The following DENND1A variants were observed in gnomAD, a reference collection of about 807,000 sequenced individuals.
DENND1A encodes the protein DENN domain containing 1A.
DENND1A carries 51 observed loss-of-function variants against 113.7 expected under a neutral mutation model. The ratio of observed to expected loss-of-function variants is 0.45; its 90% CI spans 0.36 to 0.57. DENND1A has a LOEUF of 0.57. Among genes scored for constraint, DENND1A ranks in the 20% least tolerant of loss-of-function variants. DENND1A has a pLI of 0.00. For missense variants in DENND1A, 1,258 were observed against 1,395.9 expected, an observed-to-expected ratio of 0.90 and a Z score of 1.57; for synonymous variants, 565 against 570.8, an observed-to-expected ratio of 0.99 and a Z score of 0.14.
chr9:123,620,232 A>AAAAAAAAAAAAAAAAAAAAAAAAAC (rs1554916729), intron 10 of DENND1A, among the ~76,000 whole-genome samples: 1 of 114,422 alleles, frequency 8.7e-6, no homozygotes, highest in Non-Finnish European at 1.7e-5. Flanking sequence ...AAAAAAAAAA[A>AAAAAAAAAAAAAAAAAAAAAAAAAC]AAAAAAGAAA....
intron 13 of DENND1A, among the ~76,000 whole-genome samples, chr9:123,512,824 T>G (rs1016109607): frequency 3.3e-5 from 5 of 152,220 alleles, no homozygotes; most frequent in African/African-American, 1.2e-4. Flanking sequence ...CCTCTACCTC[T>G]CTGAGTCTCA....
intron 8 of DENND1A, among the ~76,000 whole-genome samples, chr9:123,658,407 G>T (rs376884227): frequency 6.6e-6 from 1 of 152,010 alleles, no homozygotes; most frequent in Non-Finnish European, 1.5e-5. Context: ...AATTTATAAA[G>T]ATTTATGCTC....
intron 5 of DENND1A, among the ~76,000 whole-genome samples, chr9:123,713,085 G>A (rs1473142537): frequency 6.6e-6 from 1 of 152,212 alleles, no homozygotes; most frequent in Non-Finnish European, 1.5e-5. Context: ...AGAATATTTT[G>A]AAGAGAAGTA....
chr9:123,774,683 T>C (rs1240154227), intron 3 of DENND1A, among the ~76,000 whole-genome samples: 5 of 152,216 alleles, frequency 3.3e-5, no homozygotes, highest in South Asian at 4.1e-4. Flanking sequence ...CTTCCTTTCT[T>C]TGGTACATTT....
At chr9:123,757,976 T>TAAAAAAAAAAAA (rs557446216) in intron 4 of DENND1A, among the ~76,000 whole-genome samples, 154 bp from the exon 5 acceptor site, 1 of 123,044 alleles carries the variant, frequency 8.1e-6, no homozygotes. Context: ...GTAAGCTAGT[T>TAAAAAAAAAAAA]AAAAAAAAAA....
intron 1 of DENND1A, 132 bp from the exon 2 acceptor site, chr9:123,879,153 A>G: frequency 1.3e-6 from 1 of 777,040 alleles, no homozygotes; most frequent in African/African-American, 1.7e-5. Context: ...AACTTTGGAC[A>G]AGCTACACTA....
intron 11 of DENND1A, among the ~76,000 whole-genome samples, chr9:123,585,815 G>A (rs974395633): frequency 8.5e-5 from 13 of 152,132 alleles, no homozygotes; most frequent in Non-Finnish European, 1.2e-4. Flanking sequence ...AAATGGCTGC[G>A]TCTGTAAAAT....
At chr9:123,423,605 T>G (rs1251432107) in intron 19 of DENND1A, among the ~76,000 whole-genome samples, 2 of 152,198 alleles carry the variant, frequency 1.3e-5, no homozygotes, top group Non-Finnish European at 2.9e-5. Flanking sequence ...AGCTGATCAC[T>G]TGGCAGGCCC....
intron 5 of DENND1A, among the ~76,000 whole-genome samples, chr9:123,739,814 A>AATAT (rs1270482603): frequency 2.0e-5 from 3 of 152,150 alleles, no homozygotes; most frequent in African/African-American, 7.2e-5. Context: ...ATCTTAAGGG[A>AATAT]ATATATTCCA....
At chr9:123,793,461 A>G (rs1032627246) in intron 2 of DENND1A, among the ~76,000 whole-genome samples, 11 of 152,202 alleles carry the variant, frequency 7.2e-5, no homozygotes, top group African/African-American at 2.4e-4. Context: ...CTAATAAGGA[A>G]AAGATTTGAT....
chr9:123,725,379 C>A (rs2067626237), intron 5 of DENND1A, among the ~76,000 whole-genome samples: 1 of 152,204 alleles, frequency 6.6e-6, no homozygotes, highest in Non-Finnish European at 1.5e-5. Flanking sequence ...TTCCTTCTGT[C>A]CCGCATGCAA....
At chr9:123,410,620 C>T (rs545640906) in intron 20 of DENND1A, among the ~76,000 whole-genome samples, 2 of 152,296 alleles carry the variant, frequency 1.3e-5, no homozygotes, top group African/African-American at 4.8e-5. Context: ...ACAGAATGGC[C>T]AACACCCACC....
chr9:123,833,277 T>C (rs1840558810), intron 2 of DENND1A, among the ~76,000 whole-genome samples: 1 of 152,190 alleles, frequency 6.6e-6, no homozygotes, highest in Non-Finnish European at 1.5e-5. Flanking sequence ...ATGTTTTAAC[T>C]TTGTGATAAT....
At chr9:123,574,813 C>G (rs1032140087) in intron 12 of DENND1A, among the ~76,000 whole-genome samples, 1 of 152,210 alleles carries the variant, frequency 6.6e-6, no homozygotes, top group Non-Finnish European at 1.5e-5. Flanking sequence ...GTGGGTTGGA[C>G]AAGCTTGCAT....
At chr9:123,481,751 T>G (rs1192482212) in intron 13 of DENND1A, among the ~76,000 whole-genome samples, 1 of 152,134 alleles carries the variant, frequency 6.6e-6, no homozygotes, top group Non-Finnish European at 1.5e-5. Context: ...TGTCAGCTTT[T>G]AGGAAAGCTG....
chr9:123,695,284 T>G (rs1322149598), intron 5 of DENND1A, among the ~76,000 whole-genome samples: 1 of 152,142 alleles, frequency 6.6e-6, no homozygotes, highest in Non-Finnish European at 1.5e-5. Context: ...CAAATAAGAT[T>G]GTTGTCAGCA....
At chr9:123,440,966 G>A (rs1451381919) in intron 18 of DENND1A, among the ~76,000 whole-genome samples, 2 of 151,972 alleles carry the variant, frequency 1.3e-5, no homozygotes, top group Non-Finnish European at 2.9e-5. Context: ...AATATACCAC[G>A]ATTCAATATT....
At chr9:123,697,352 T>G (rs2065584515) in intron 5 of DENND1A, among the ~76,000 whole-genome samples, 1 of 152,224 alleles carries the variant, frequency 6.6e-6, no homozygotes, top group Admixed American at 6.5e-5. Context: ...CCAGCTATCT[T>G]TCTCCAACTT....
intron 22 of DENND1A, among the ~76,000 whole-genome samples, chr9:123,386,235 G>A (rs958386642): frequency 2.6e-5 from 4 of 151,522 alleles, no homozygotes; most frequent in East Asian, 1.9e-4. Context: ...AATACATTAC[G>A]CCTATGACAT....
Sources: gnomAD v4.1 joint callset for allele counts (sites outside exome capture counted in the v4.1 genomes callset) on GRCh38, gnomAD v4.1.1 for gene constraint, MANE v1.5 for transcripts, NCBI Gene and HGNC (gene_info 2026-07-23, HGNC 2026-07-21) for gene names.